Variants in STAM observed in about 807,000 individuals in gnomAD.
The protein encoded by STAM is signal transducing adapter molecule 1.
Under a neutral mutation model 63.4 loss-of-function variants are expected in STAM, and 16 were observed. That is an observed-to-expected ratio of 0.25 (90% CI 0.17 to 0.38). The LOEUF (loss-of-function observed/expected upper bound fraction) is 0.38, where lower values mean the gene tolerates loss of function less well. Among genes scored for constraint, STAM ranks in the 10% least tolerant of loss-of-function variants. The pLI is 1.00. For synonymous variants in STAM, 238 were observed against 223.9 expected (o/e 1.06, Z -0.56); for missense variants, 636 against 657.1 (o/e 0.97, Z 0.35).
At chr10:17,669,807 C>A (rs1834553135) in intron 2 of STAM, among the ~76,000 whole-genome samples, 1 of 151,570 alleles carries the variant, frequency 6.6e-6, no homozygotes, top group African/African-American at 2.4e-5. Flanking sequence ...ACACCGTTCT[C>A]CTGCCTCAGC....
intron 1 of STAM, among the ~76,000 whole-genome samples, chr10:17,655,672 A>G (rs1026011896): frequency 1.3e-5 from 2 of 152,238 alleles, no homozygotes; most frequent in Non-Finnish European, 2.9e-5. Context: ...GCAACAGGGC[A>G]TGGAGGAGAG....
rs10673746 is a variant in STAM, at chr10:17,666,387, A to ATTTTTTTTTTTTTT, written c.125+5851_125+5864dup. ...TAAAAATGTTTTTCCTTGGCTTTGTATTTTTTTTTTTTTTTTTTTTTTTTT... is the reference window on the plus strand; with the variant it reads ...TAAAAATGTTTTTCCTTGGCTTTGTATTTTTTTTTTTTTTTTTTTTTTTTTTTTTTTTTTTTTTT... On this transcript the variant is annotated intron_variant, in intron 2 of 13. Coordinates refer to ENST00000377524, the MANE Select transcript of STAM (RefSeq NM_003473.4). Among the ~76,000 whole-genome samples the ATTTTTTTTTTTTTT allele has an allele frequency of 4.7e-4, 40 of 85,910 alleles. 1 individual carries two copies. The highest frequency in any genetic ancestry group is 1.9e-3 in the African/African-American group (38 of 19,972). The allele number at this position is 85,910 out of a possible 152,430, so 56.4% of individuals were successfully genotyped here. A position where few individuals can be genotyped will look rare whatever the true frequency, so the allele number is the denominator to read the frequency against.
At chr10:17,709,977 T>TTTTTTTTTTTTGAG (rs1554829903) in intron 13 of STAM, among the ~76,000 whole-genome samples, 1 of 150,374 alleles carries the variant, frequency 6.7e-6, no homozygotes, top group Middle Eastern at 3.2e-3. Flanking sequence ...GATTTTTTTT[T>TTTTTTTTTTTTGAG]AAGTTGAAAT....
At chr10:17,677,492 T>C (rs1834902643) in intron 2 of STAM, among the ~76,000 whole-genome samples, 1 of 152,194 alleles carries the variant, frequency 6.6e-6, no homozygotes, top group Admixed American at 6.5e-5. Context: ...TTTGTGTTTT[T>C]ATGTCGGCAT....
rs150598656 is a variant in STAM at position 17,714,849 on chromosome 10, A to G, written c.*69A>G. The G allele has an allele frequency of 3.3e-5, 46 of 1,375,732 alleles. No individual in the cohort carries two copies. Among genetic ancestry groups the G allele is most frequent in the African/African-American group, 2.8e-4 (20 of 70,222 alleles). 85.2% of individuals were successfully genotyped at this position (1,375,732 alleles called of 1,614,324 possible). On this transcript the variant is annotated 3_prime_UTR_variant, in exon 14 of 14. Coordinates refer to ENST00000377524, the MANE Select transcript of STAM (RefSeq NM_003473.4). ...TGACAATGTTATGAGATTCATTACT[A>G]TCTTAAGATGTGTTTATCCTCAGCT... is the stretch of plus-strand genomic sequence containing the variant.
At chr10:17,656,529 C>T (rs546101967) in intron 1 of STAM, among the ~76,000 whole-genome samples, 3 of 152,202 alleles carry the variant, frequency 2.0e-5, no homozygotes, top group African/African-American at 7.2e-5. Flanking sequence ...CATAGAGCCC[C>T]CAGAAAAGAG....
rs1554830699 is a variant in STAM at position 17,715,013 on chromosome 10, A to G, written c.*233A>G. The G allele has an allele frequency of 1.6e-5, 8 of 514,004 alleles. No individual in the cohort carries two copies. The highest frequency in any genetic ancestry group is 7.0e-6 in the Non-Finnish European group (2 of 283,836). 31.8% of individuals were successfully genotyped at this position (514,004 alleles called of 1,614,324 possible). On this transcript the variant is annotated 3_prime_UTR_variant, in exon 14 of 14. Transcript: ENST00000377524. ...CTACTTACAACATTTAATTCCTTTCATAATATGAAAGAATTGATACAAGGC... is the reference window on the plus strand; with the variant it reads ...CTACTTACAACATTTAATTCCTTTCGTAATATGAAAGAATTGATACAAGGC...
chr10:17,683,295 G>A (rs1012782923), intron 2 of STAM, among the ~76,000 whole-genome samples: 19 of 151,936 alleles, frequency 1.3e-4, no homozygotes, highest in Admixed American at 8.5e-4. Context: ...CATTCACTGC[G>A]CCCATAGGAG....
At chr10:17,678,210 G>A (rs1463458995) in intron 2 of STAM, among the ~76,000 whole-genome samples, 1 of 151,950 alleles carries the variant, frequency 6.6e-6, no homozygotes, top group African/African-American at 2.4e-5. Flanking sequence ...CATATAAATG[G>A]AGCTCTGCAA....
Position 17,716,521 on chromosome 10 carries a change from T to C in STAM, c.*1741T>C, listed in dbSNP as rs45520538. On this transcript the variant is annotated 3_prime_UTR_variant, in exon 14 of 14. Transcript: ENST00000377524. ...TATAAGTTAGTTTTTGATAAATATCTGTCGGATTATAATCTTTTCCACTCC... is the reference window on the plus strand; with the variant it reads ...TATAAGTTAGTTTTTGATAAATATCCGTCGGATTATAATCTTTTCCACTCC... Among the ~76,000 whole-genome samples, 11,398 of 152,186 alleles carry C rather than the reference T, an allele frequency of 0.075. 443 individuals carry two copies. The highest frequency in any genetic ancestry group is 0.13 in the Middle Eastern group (37 of 294).
At chr10:17,696,965 G>A (rs1438948503) in intron 8 of STAM, 96 bp downstream of exon 8, 4 of 963,240 alleles carry the variant, frequency 4.2e-6, no homozygotes, top group Non-Finnish European at 6.4e-6. Flanking sequence ...TGTTGCCCAG[G>A]CTGGAGTGCA....
intron 6 of STAM, among the ~76,000 whole-genome samples, chr10:17,693,569 G>T (rs1039498095): frequency 7.2e-5 from 11 of 152,052 alleles, no homozygotes; most frequent in Non-Finnish European, 1.3e-4. Flanking sequence ...TAACAAATTT[G>T]TTTTTTGTAG....
chr10:17,644,521 C>A, intron 1 of STAM, 142 bp downstream of exon 1: 2 of 1,006,004 alleles, frequency 2.0e-6, no homozygotes, highest in Non-Finnish European at 3.0e-6. Flanking sequence ...TCCTTCAGAG[C>A]TGGGAGGAGG....
In STAM at chr10:17,716,424, G is replaced by C. The variant is rs1299973492; in HGVS notation, c.*1644G>C. On this transcript the variant is annotated 3_prime_UTR_variant, in exon 14 of 14. Coordinates refer to ENST00000377524, the MANE Select transcript of STAM (RefSeq NM_003473.4). Reference sequence around the variant, plus strand: ...AGGGTAACTTAAGTGTTTCGCTCAAGTGTTGTGTTCTGATTTCCTGTGTTT... The same window carrying C: ...AGGGTAACTTAAGTGTTTCGCTCAACTGTTGTGTTCTGATTTCCTGTGTTT... Among the ~76,000 whole-genome samples the C allele has an allele frequency of 6.6e-6, 1 of 151,908 alleles. No individual in the cohort carries two copies. Among genetic ancestry groups the C allele is most frequent in the Non-Finnish European group, 1.5e-5 (1 of 67,974 alleles).
chr10:17,701,350 T>C (rs949871078), intron 9 of STAM, among the ~76,000 whole-genome samples: 1 of 152,256 alleles, frequency 6.6e-6, no homozygotes, highest in Non-Finnish European at 1.5e-5. Context: ...TAACAACTGT[T>C]GAGTTAATAA....
rs182852287 is a variant in STAM at position 17,716,014 on chromosome 10, T to C, written c.*1234T>C. The C allele has an allele frequency of 6.5e-6, 1 of 152,698 alleles. No individual in the cohort carries two copies. The highest frequency in any genetic ancestry group is 6.5e-5 in the Admixed American group (1 of 15,306). 9.5% of individuals were successfully genotyped at this position (152,698 alleles called of 1,614,324 possible). On this transcript the variant is annotated 3_prime_UTR_variant, in exon 14 of 14. Transcript: ENST00000377524. ...CCTTTTAAAATTCTAATGGAATTATTTTGGCTTCTTACTTGGGAATATTTT... is the reference window on the plus strand; with the variant it reads ...CCTTTTAAAATTCTAATGGAATTATCTTGGCTTCTTACTTGGGAATATTTT...
intron 2 of STAM, among the ~76,000 whole-genome samples, chr10:17,662,977 T>G (rs987847674): frequency 1.3e-5 from 2 of 152,224 alleles, no homozygotes; most frequent in Admixed American, 1.3e-4. Flanking sequence ...TCTCTTCACT[T>G]TGTTGGTTTC....
At chr10:17,688,422 T>G (rs1183161786) in intron 5 of STAM, among the ~76,000 whole-genome samples, 1 of 152,066 alleles carries the variant, frequency 6.6e-6, no homozygotes, top group Non-Finnish European at 1.5e-5. Flanking sequence ...ATAAACGAAT[T>G]GGTTTAACAT....
chr10:17,702,584 T>TA (rs1320321719), intron 9 of STAM, among the ~76,000 whole-genome samples: 1 of 152,210 alleles, frequency 6.6e-6, no homozygotes, highest in Non-Finnish European at 1.5e-5. Context: ...TGAAGGGGTT[T>TA]ATGGGCTTTT....
Sources: allele counts gnomAD v4.1 joint callset (sites outside exome capture counted in the v4.1 genomes callset), GRCh38; gene constraint gnomAD v4.1.1; transcripts MANE v1.5; gene names NCBI Gene and HGNC (gene_info 2026-07-23, HGNC 2026-07-21).